The following IGFL2 variants were observed in gnomAD, a reference collection of about 807,000 sequenced individuals.
The protein encoded by IGFL2 is IGF like family member 2, also known as insulin growth factor-like family member 2.
A neutral mutation model predicts 13.9 loss-of-function variants in IGFL2; 7 were observed. The ratio of observed to expected loss-of-function variants is 0.51; its 90% confidence interval spans 0.29 to 0.95. The LOEUF (loss-of-function observed/expected upper bound fraction) is 0.95, where lower values mean the gene tolerates loss of function less well. Ranked by LOEUF, IGFL2 falls within the 40% of genes least tolerant of loss-of-function variation. The pLI is 0.08. For missense variants in IGFL2, 138 were observed against 147.8 expected (o/e 0.93, Z 0.34); for synonymous variants, 55 against 55.8 (o/e 0.99, Z 0.07).
chr19:46,142,076 A>C (rs1972884693), upstream of IGFL2, among the ~76,000 whole-genome samples: 1 of 152,146 alleles, frequency 6.6e-6, no homozygotes, highest in Non-Finnish European at 1.5e-5. Context: ...CACCATTACC[A>C]GTTGTGGAAT....
chr19:46,170,312 T>TCATGA, the IGFL2 span, among the ~76,000 whole-genome samples: 1 of 152,084 alleles, frequency 6.6e-6, no homozygotes, highest in Non-Finnish European at 1.5e-5. Context: ...TTGTGAAGAT[T>TCATGA]TCATGGACAT....
At chr19:46,175,699 T>A in the IGFL2 span, among the ~76,000 whole-genome samples, 45 of 151,390 alleles carry the variant, frequency 3.0e-4, no homozygotes, top group African/African-American at 1.0e-3. Flanking sequence ...CCACCACACC[T>A]GGCTAATTTT....
the IGFL2 span, among the ~76,000 whole-genome samples, chr19:46,118,461 GC>G: frequency 6.6e-6 from 1 of 152,214 alleles, no homozygotes; most frequent in Non-Finnish European, 1.5e-5. Flanking sequence ...AAGAGAGAAA[GC>G]CCCTGGGCTC....
chr19:46,105,308 A>G, the IGFL2 span, among the ~76,000 whole-genome samples: 7 of 152,314 alleles, frequency 4.6e-5, no homozygotes, highest in Middle Eastern at 3.4e-3. Context: ...AGTTAAGGCA[A>G]TGAGTTTGGC....
At chr19:46,110,917 A>G in the IGFL2 span, among the ~76,000 whole-genome samples, 1 of 152,142 alleles carries the variant, frequency 6.6e-6, no homozygotes, top group Admixed American at 6.6e-5. Flanking sequence ...CCTGTAAGAA[A>G]TATTCCTTGA....
upstream of IGFL2, among the ~76,000 whole-genome samples, chr19:46,145,301 T>C (rs968531802): frequency 1.3e-5 from 2 of 151,484 alleles, no homozygotes; most frequent in African/African-American, 4.8e-5. Flanking sequence ...GTCGATATTC[T>C]CTCTCTCTCT....
the IGFL2 span, chr19:46,137,577 A>G: frequency 1.5e-5 from 16 of 1,051,954 alleles, no homozygotes; most frequent in Middle Eastern, 2.1e-4. Flanking sequence ...TCACTGCCAG[A>G]TGCTGCAACA....
At chr19:46,108,335 C>T in the IGFL2 span, among the ~76,000 whole-genome samples, 1 of 152,084 alleles carries the variant, frequency 6.6e-6, no homozygotes, top group Admixed American at 6.5e-5. Context: ...ACCGTTTGCC[C>T]ATTTTTTGAC....
At chr19:46,190,847 T>A in the IGFL2 span, among the ~76,000 whole-genome samples, 2 of 152,104 alleles carry the variant, frequency 1.3e-5, no homozygotes, top group Non-Finnish European at 2.9e-5. Flanking sequence ...AAAGAAAAAT[T>A]CAGAAAAGAC....
At chr19:46,121,309 G>A in the IGFL2 span, among the ~76,000 whole-genome samples, 1 of 148,782 alleles carries the variant, frequency 6.7e-6, no homozygotes, top group East Asian at 2.0e-4. Context: ...GATCACTTGA[G>A]CCCAGGAGGT....
the IGFL2 span, among the ~76,000 whole-genome samples, chr19:46,108,046 C>A: frequency 2.0e-5 from 3 of 152,126 alleles, no homozygotes; most frequent in Admixed American, 1.3e-4. Flanking sequence ...GTAAGCCAGA[C>A]CAGGTGTGAG....
the IGFL2 span, among the ~76,000 whole-genome samples, chr19:46,122,584 G>A: frequency 2.1e-4 from 31 of 150,950 alleles, 1 homozygote; most frequent in Non-Finnish European, 3.8e-4. Context: ...TTTACTGCCT[G>A]AAAAGAGTTT....
the IGFL2 span, chr19:46,207,552 T>G: frequency 0.016 from 2,401 of 152,254 alleles, 65 homozygotes; most frequent in African/African-American, 0.054. Context: ...CAGCTAATTT[T>G]TGTATTTTTC....
chr19:46,156,593 T>C (rs1973835534), intron 1 of IGFL2, among the ~76,000 whole-genome samples: 1 of 152,160 alleles, frequency 6.6e-6, no homozygotes, highest in Non-Finnish European at 1.5e-5. Context: ...ATATTTAACT[T>C]AATGAAATGA....
the IGFL2 span, among the ~76,000 whole-genome samples, chr19:46,167,859 C>T: frequency 1.3e-5 from 2 of 152,308 alleles, no homozygotes; most frequent in Non-Finnish European, 2.9e-5. Flanking sequence ...TGTCTGCAGG[C>T]CAGAAAGAGA....
At chr19:46,097,619 T>C in the IGFL2 span, among the ~76,000 whole-genome samples, 1 of 152,234 alleles carries the variant, frequency 6.6e-6, no homozygotes, top group Non-Finnish European at 1.5e-5. Flanking sequence ...ATTTGAGAGC[T>C]TTCTAGCTTT....
the IGFL2 span, chr19:46,137,099 C>T: frequency 6.2e-7 from 1 of 1,606,730 alleles, no homozygotes; most frequent in African/African-American, 1.3e-5. Context: ...AGACAATGGC[C>T]TCCCTAGGGT....
the IGFL2 span, among the ~76,000 whole-genome samples, chr19:46,177,421 C>G: frequency 6.6e-6 from 1 of 151,994 alleles, no homozygotes; most frequent in Non-Finnish European, 1.5e-5. Flanking sequence ...TTTACTTAAT[C>G]CTTTATCAAA....
chr19:46,185,789 A>G, the IGFL2 span, among the ~76,000 whole-genome samples: 1 of 152,190 alleles, frequency 6.6e-6, no homozygotes, highest in Non-Finnish European at 1.5e-5. Context: ...AAGTTTATCC[A>G]TGAAATGGGT....
Sources: allele counts gnomAD v4.1 joint callset (sites outside exome capture counted in the v4.1 genomes callset), GRCh38; gene constraint gnomAD v4.1.1; transcripts MANE v1.5; gene names NCBI Gene and HGNC (gene_info 2026-07-23, HGNC 2026-07-21).